The following CHD5 variants were observed in gnomAD, a reference collection of about 807,000 sequenced individuals.
The protein encoded by CHD5 is chromodomain helicase DNA binding protein 5.
Under a neutral mutation model 230.3 loss-of-function variants are expected in CHD5, and 69 were observed. The ratio of observed to expected loss-of-function variants is 0.30; its 90% confidence interval spans 0.25 to 0.37. The LOEUF is 0.37. CHD5 is among the 10% of genes least tolerant of loss of function. The pLI, the probability that CHD5 is intolerant of heterozygous loss-of-function variation, is 1.00. For synonymous variants in CHD5, 1,064 were observed against 1,065.9 expected, an observed-to-expected ratio of 1.00 and a Z score of 0.03; for missense variants, 1,827 against 2,622.8, an observed-to-expected ratio of 0.70 and a Z score of 6.63.
chr1:6,160,685 AC>A (rs1442227899), intron 2 of CHD5, among the ~76,000 whole-genome samples: 2 of 152,258 alleles, frequency 1.3e-5, no homozygotes, highest in Non-Finnish European at 2.9e-5. Context: ...GCACAAGCCC[AC>A]CTTCCCCCTC....
intron 1 of CHD5, among the ~76,000 whole-genome samples, chr1:6,169,263 G>A (rs141848255): frequency 5.4e-4 from 82 of 152,314 alleles, no homozygotes; most frequent in Middle Eastern, 3.4e-3. Context: ...CACTCACAAC[G>A]GGAAGCCAAG....
chr1:6,115,027 G>T (rs4586003), intron 33 of CHD5, among the ~76,000 whole-genome samples: 15 of 150,472 alleles, frequency 1.0e-4, no homozygotes, highest in South Asian at 2.1e-4. Flanking sequence ...AAAAAAAAAG[G>T]GGGGGGCAGG....
rs1666704641 is a variant in CHD5, at chr1:6,134,311, ACT to A, written c.3013-54_3013-53del. 3.1e-6 allele frequency: 5 copies of A among 1,597,136 alleles called. No individual in the cohort carries two copies. The South Asian group carries it at 4.4e-5, about 14-fold the overall frequency. On this transcript the variant is annotated intron_variant, in intron 19 of 41. Coordinates refer to ENST00000262450, the MANE Select transcript of CHD5 (RefSeq NM_015557.3). The surrounding 1 kb of genome is among the most constrained non-coding windows in gnomAD (Gnocchi z 6.3). ...TTGGTGGGCTCCCCTCTCCTCTCTG[ACT>A]CTGCACCAAAGGGGCCGCAGGGAAC...
intron 30 of CHD5, 81 bp from the exon 31 acceptor site, chr1:6,124,188 A>T: frequency 3.0e-6 from 4 of 1,324,742 alleles, no homozygotes; most frequent in Non-Finnish European, 4.2e-6. Flanking sequence ...CAGGGCAGCC[A>T]GGGGGGCTGA....
chr1:6,168,085 G>T, intron 2 of CHD5, 65 bp downstream of exon 2: 17 of 1,532,084 alleles, frequency 1.1e-5, no homozygotes, highest in Non-Finnish European at 1.4e-5. Context: ...CCTCCTCTGC[G>T]GCCGGGCAGA....
chr1:6,131,706 C>T lies in CHD5; in HGVS notation c.3187G>A (p.Glu1063Lys). ...TCAATCCGCTCATACTTGTAGCCTTCGTACTCCAGGAAGTCCTCCAGGAGG... is the reference window on the plus strand; with the variant it reads ...TCAATCCGCTCATACTTGTAGCCTTTGTACTCCAGGAAGTCCTCCAGGAGG... ...LDLLEDFLEYEGYKYERIDGG... is the reference protein window; with the variant it reads ...LDLLEDFLEYKGYKYERIDGG... Residue 1063 changes from glutamate to lysine, a missense_variant, in exon 21 of 42, where the codon GAA becomes AAA. Around this residue, in one of 14 missense-constraint regions of CHD5, gnomAD observed 81 missense variants for 245.4 expected, o/e 0.33. Coordinates refer to ENST00000262450, the MANE Select transcript of CHD5 (RefSeq NM_015557.3). This position sits in a 1 kb window ranked among gnomAD's most constrained non-coding sequence, Gnocchi z 5.0. The T allele has an allele frequency of 1.2e-6, 2 of 1,613,638 alleles. No homozygotes were observed. Among genetic ancestry groups the T allele is most frequent in the South Asian group, 2.2e-5 (2 of 91,008 alleles).
At chr1:6,161,669 G>A (rs1373649875) in intron 2 of CHD5, among the ~76,000 whole-genome samples, 1 of 152,210 alleles carries the variant, frequency 6.6e-6, no homozygotes, top group Non-Finnish European at 1.5e-5. Flanking sequence ...TGGGGAGGTG[G>A]AGATGAGACA....
Position 6,109,774 on chromosome 1 carries a change from TG to T in CHD5, c.5578+20del. Reference sequence around the variant, plus strand: ...GGAGGAAGGGCGGGGGGCTGCACCGTGGGGGGCAGGACTTGCTCACCCTTGT... The same window carrying T: ...GGAGGAAGGGCGGGGGGCTGCACCGTGGGGGCAGGACTTGCTCACCCTTGT... On this transcript the variant is annotated intron_variant, in intron 38 of 41. Coordinates refer to ENST00000262450, the MANE Select transcript of CHD5 (RefSeq NM_015557.3). 1.2e-6 allele frequency: 2 copies of T among 1,604,258 alleles called. No homozygotes were observed. The highest frequency in any genetic ancestry group is 1.7e-6 in the Non-Finnish European group (2 of 1,174,566).
intron 1 of CHD5, among the ~76,000 whole-genome samples, chr1:6,179,592 T>C (rs1156873227): frequency 2.0e-5 from 3 of 150,804 alleles, no homozygotes; most frequent in Non-Finnish European, 4.4e-5. Context: ...CTCCGGGAGC[T>C]AGCGCGATTC....
intron 11 of CHD5, among the ~76,000 whole-genome samples, chr1:6,145,808 C>T (rs545818268): frequency 1.3e-5 from 2 of 152,336 alleles, no homozygotes; most frequent in Admixed American, 1.3e-4. Context: ...GAAAGTAAGA[C>T]GCCTCCCTCC....
At chr1:6,174,608 A>T (rs763210873) in intron 1 of CHD5, among the ~76,000 whole-genome samples, 8 of 148,198 alleles carry the variant, frequency 5.4e-5, no homozygotes, top group Non-Finnish European at 8.9e-5. Context: ...GGGTGGATGG[A>T]CGAATGGATG....
intron 2 of CHD5, among the ~76,000 whole-genome samples, chr1:6,166,450 G>A (rs1308359180): frequency 2.0e-5 from 3 of 152,034 alleles, no homozygotes; most frequent in Non-Finnish European, 2.9e-5. Flanking sequence ...TGGGTGAGAG[G>A]TGCTGACTGC....
rs958008874 is a variant in CHD5 at position 6,180,166 on chromosome 1, C to G, written c.-143G>C. ...GATGGCGGCCGCCTGCCCCCCCACCCCCCCAAACCTCCACCCCCCCGTCTC... is the reference window on the plus strand; with the variant it reads ...GATGGCGGCCGCCTGCCCCCCCACCGCCCCAAACCTCCACCCCCCCGTCTC... On this transcript the variant is annotated 5_prime_UTR_variant, in exon 1 of 42. Transcript: ENST00000262450. The G allele has an allele frequency of 1.7e-5, 3 of 180,710 alleles. No homozygotes were observed. The allele number at this position is 180,710 out of a possible 1,614,324, so 11.2% of individuals were successfully genotyped here.
chr1:6,166,436 G>A (rs1667256194), intron 2 of CHD5, among the ~76,000 whole-genome samples: 1 of 151,948 alleles, frequency 6.6e-6, no homozygotes, highest in East Asian at 1.9e-4. Context: ...GGGCCGGTAG[G>A]AGGTGGGTGA....
intron 15 of CHD5, among the ~76,000 whole-genome samples, chr1:6,137,148 C>T (rs146044063): frequency 3.9e-5 from 6 of 152,238 alleles, no homozygotes; most frequent in East Asian, 1.9e-4. Context: ...CTCCCACCCC[C>T]CAGCGTGGAG....
At chr1:6,179,681 G>C (rs933382162) in intron 1 of CHD5, among the ~76,000 whole-genome samples, 4 of 148,618 alleles carry the variant, frequency 2.7e-5, no homozygotes, top group Admixed American at 2.7e-4. Context: ...CGGTCCTCTG[G>C]CCCGCCTGGC....
At position 6,134,917 on chromosome 1, in the gene CHD5, C is replaced by T. The variant is rs1446466197; in HGVS notation, c.2871-58G>A. The T allele has an allele frequency of 1.9e-6, 3 of 1,606,092 alleles. No individual in the cohort carries two copies. Among genetic ancestry groups the T allele is most frequent in the Non-Finnish European group, 2.6e-6 (3 of 1,174,218 alleles). ...TCAGACCCGCCTCCATGAGGGCTCT[C>T]TCTGCTCTGCAGTGGGGCTGGAAGC... On this transcript the variant is annotated intron_variant, in intron 18 of 41. Coordinates refer to ENST00000262450, the MANE Select transcript of CHD5 (RefSeq NM_015557.3). This position sits in a 1 kb window ranked among gnomAD's most constrained non-coding sequence, Gnocchi z 6.3.
intron 17 of CHD5, among the ~76,000 whole-genome samples, chr1:6,136,003 CTTTCT>C (rs1429536566): frequency 6.9e-6 from 1 of 144,532 alleles, no homozygotes. Flanking sequence ...GAGTGAGACT[CTTTCT>C]TTTAATAAAA....
intron 2 of CHD5, among the ~76,000 whole-genome samples, chr1:6,164,071 T>C (rs2311387): frequency 0.33 from 50,742 of 152,146 alleles, 12,307 homozygotes; most frequent in East Asian, 0.67. Flanking sequence ...GCACAGCATG[T>C]GGTCGCAGCC....
Sources: gnomAD v4.1 joint callset for allele counts (sites outside exome capture counted in the v4.1 genomes callset) on GRCh38, gnomAD v4.1.1 for gene constraint, gnomAD v4.1.1 regional missense constraint, Gnocchi (gnomAD v3.1) non-coding constraint, MANE v1.5 for transcripts, NCBI Gene and HGNC (gene_info 2026-07-23, HGNC 2026-07-21) for gene names.